Variants in ARHGAP28 observed in about 807,000 individuals in gnomAD.
The protein encoded by ARHGAP28 is rho GTPase-activating protein 28.
Under a neutral mutation model 90.7 loss-of-function variants are expected in ARHGAP28, and 56 were observed. That is an observed-to-expected ratio of 0.62 (90% confidence interval 0.50 to 0.77). ARHGAP28 has a LOEUF of 0.77. Ranked by LOEUF, ARHGAP28 falls within the 30% of genes least tolerant of loss-of-function variation. The probability of loss-of-function intolerance (pLI) is 0.00; values close to 1 mark genes in which losing one functional copy is unlikely to be tolerated. For synonymous variants in ARHGAP28, 308 were observed against 323.3 expected, an observed-to-expected ratio of 0.95 and a Z score of 0.51; for missense variants, 869 against 900.9, an observed-to-expected ratio of 0.96 and a Z score of 0.45.
In ARHGAP28 at chr18:6,913,262, G is replaced by C. The variant is rs2057408243; in HGVS notation, c.*1108G>C. The C allele has an allele frequency of 6.6e-6, 1 of 152,174 alleles. No homozygotes were observed. The highest frequency in any genetic ancestry group is 1.5e-5 in the Non-Finnish European group (1 of 68,022). The allele number at this position is 152,174 out of a possible 1,614,324, so 9.4% of individuals were successfully genotyped here. On this transcript the variant is annotated 3_prime_UTR_variant, in exon 18 of 18. Coordinates refer to ENST00000383472, the MANE Select transcript of ARHGAP28 (RefSeq NM_001366230.1). The stretch of plus-strand genomic sequence containing the variant: ...CAAGAGCCTGCAGAGCCATTTTCCA[G>C]ACCTGTGATTGCCCAGAACACATAG...
intron 1 of ARHGAP28, among the ~76,000 whole-genome samples, chr18:6,730,588 C>T (rs2055872262): frequency 6.6e-6 from 1 of 152,186 alleles, no homozygotes; most frequent in African/African-American, 2.4e-5. Context: ...AGCATCTCAT[C>T]CTGTACATTT....
chr18:6,876,269 A>G (rs2057130438), intron 10 of ARHGAP28, 61 bp downstream of exon 10: 2 of 1,224,282 alleles, frequency 1.6e-6, no homozygotes, highest in Non-Finnish European at 2.4e-6. Flanking sequence ...CAGTTCACAC[A>G]AGCATCGGGG....
intron 2 of ARHGAP28, among the ~76,000 whole-genome samples, chr18:6,827,613 A>T (rs1217730981): frequency 1.6e-4 from 21 of 127,502 alleles, no homozygotes; most frequent in Admixed American, 1.1e-3. Flanking sequence ...TCCCTCCGAG[A>T]CGGGGCGGCT....
At chr18:6,848,422 AC>A (rs1235722285) in intron 3 of ARHGAP28, among the ~76,000 whole-genome samples, 1 of 152,172 alleles carries the variant, frequency 6.6e-6, no homozygotes, top group Non-Finnish European at 1.5e-5. Flanking sequence ...TATTTAGTGA[AC>A]ACTCACTAAG....
chr18:6,774,267 C>T (rs887313527), intron 1 of ARHGAP28: 1 of 152,130 alleles, frequency 6.6e-6, no homozygotes, highest in Non-Finnish European at 1.5e-5. Flanking sequence ...ATAACTTCGG[C>T]CACAGACTTC....
At chr18:6,733,248 G>A (rs1398649180) in intron 1 of ARHGAP28, among the ~76,000 whole-genome samples, 3 of 152,076 alleles carry the variant, frequency 2.0e-5, no homozygotes, top group African/African-American at 7.2e-5. Flanking sequence ...TCAGTATTCA[G>A]AATGTATAAA....
intron 1 of ARHGAP28, among the ~76,000 whole-genome samples, chr18:6,757,998 T>A (rs2056126041): frequency 1.3e-5 from 2 of 152,180 alleles, no homozygotes; most frequent in Admixed American, 1.3e-4. Context: ...GCTATAAATT[T>A]TTGGCTCTGA....
chr18:6,831,181 A>G (rs2056712182), intron 2 of ARHGAP28, among the ~76,000 whole-genome samples: 1 of 152,074 alleles, frequency 6.6e-6, no homozygotes, highest in Admixed American at 6.6e-5. Context: ...GCTGATGACT[A>G]ATGATGTTGA....
At chr18:6,796,322 A>G (rs984391319) in intron 1 of ARHGAP28, among the ~76,000 whole-genome samples, 2 of 152,104 alleles carry the variant, frequency 1.3e-5, no homozygotes, top group East Asian at 3.9e-4. Context: ...GAGCTTCTCA[A>G]CATGCATTTC....
intron 16 of ARHGAP28, chr18:6,897,531 G>C (rs1168614598): frequency 2.0e-5 from 3 of 152,160 alleles, no homozygotes; most frequent in Non-Finnish European, 4.4e-5. Flanking sequence ...GTTTATAAAG[G>C]ATGAGAAGCA....
chr18:6,873,899 C>T (rs1043071397), intron 9 of ARHGAP28, 124 bp downstream of exon 9: 2 of 830,802 alleles, frequency 2.4e-6, no homozygotes, highest in African/African-American at 1.7e-5. Context: ...AGGACTCAGG[C>T]CCCTGGTGAT....
chr18:6,853,584 T>A (rs1481222326), intron 4 of ARHGAP28, among the ~76,000 whole-genome samples: 1 of 152,052 alleles, frequency 6.6e-6, no homozygotes, highest in African/African-American at 2.4e-5. Flanking sequence ...GTGATTCTCC[T>A]GCCTCAGCCT....
chr18:6,743,226 A>G (rs887879773), intron 1 of ARHGAP28, among the ~76,000 whole-genome samples: 3 of 152,244 alleles, frequency 2.0e-5, no homozygotes, highest in African/African-American at 7.2e-5. Context: ...TGCAGAACTT[A>G]AAAACCCATT....
chr18:6,840,955 T>G (rs555751246), intron 3 of ARHGAP28, among the ~76,000 whole-genome samples: 143 of 152,266 alleles, frequency 9.4e-4, no homozygotes, highest in Admixed American at 2.4e-3. Context: ...AAGAAACATC[T>G]TCACAGATGT....
intron 1 of ARHGAP28, among the ~76,000 whole-genome samples, chr18:6,797,268 G>C (rs1233777359): frequency 1.3e-5 from 2 of 152,170 alleles, no homozygotes; most frequent in Non-Finnish European, 2.9e-5. Context: ...GGAAAAAACT[G>C]GATCACTTTG....
intron 2 of ARHGAP28, among the ~76,000 whole-genome samples, chr18:6,827,623 T>G: frequency 9.7e-6 from 1 of 103,170 alleles, no homozygotes. Flanking sequence ...ACGGGGCGGC[T>G]GGCCGGCAGG....
chr18:6,899,218 A>G (rs1026031751), intron 16 of ARHGAP28, among the ~76,000 whole-genome samples: 4 of 152,096 alleles, frequency 2.6e-5, no homozygotes, highest in Admixed American at 2.0e-4. Context: ...AAAAGGAGGG[A>G]GAAGCCCCAT....
chr18:6,910,680 A>C (rs2057391348), intron 17 of ARHGAP28, among the ~76,000 whole-genome samples: 1 of 151,854 alleles, frequency 6.6e-6, no homozygotes, highest in Non-Finnish European at 1.5e-5. Context: ...GACTTACTTG[A>C]TATCATGTTT....
chr18:6,815,012 A>G (rs1313575750), intron 1 of ARHGAP28, among the ~76,000 whole-genome samples: 1 of 152,172 alleles, frequency 6.6e-6, no homozygotes, highest in Admixed American at 6.5e-5. Context: ...GCCCCTGAGC[A>G]ATGATTAGGT....
Sources: gnomAD v4.1 joint callset for allele counts (sites outside exome capture counted in the v4.1 genomes callset) on GRCh38, gnomAD v4.1.1 for gene constraint, MANE v1.5 for transcripts, NCBI Gene and HGNC (gene_info 2026-07-23, HGNC 2026-07-21) for gene names.